Variants in ACAD11 observed in about 807,000 individuals in gnomAD.
ACAD11 encodes the protein acyl-CoA dehydrogenase family member 11.
Under a neutral mutation model 102.2 loss-of-function variants are expected in ACAD11, and 83 were observed. The observed-to-expected ratio is 0.81, with a 90% CI of 0.68 to 0.97. The LOEUF (loss-of-function observed/expected upper bound fraction) is 0.97, where lower values mean the gene tolerates loss of function less well. Ranked by LOEUF, ACAD11 falls within the 50% of genes least tolerant of loss-of-function variation. The probability of loss-of-function intolerance (pLI) is 0.00; values close to 1 mark genes in which losing one functional copy is unlikely to be tolerated. For missense variants in ACAD11, 901 were observed against 951.7 expected (o/e 0.95, Z 0.70); for synonymous variants, 324 against 319.8 (o/e 1.01, Z -0.14).
At chr3:132,630,590 T>C in intron 6 of ACAD11, 32 bp from the exon 7 acceptor site, 1 of 1,571,224 alleles carries the variant, frequency 6.4e-7, no homozygotes. Flanking sequence ...TAAACTTTAA[T>C]TAAAATGTCG....
At chr3:132,576,323 C>T (rs1370496285) in intron 16 of ACAD11, among the ~76,000 whole-genome samples, 1 of 152,122 alleles carries the variant, frequency 6.6e-6, no homozygotes, top group Admixed American at 6.6e-5. Context: ...ATCATTATAA[C>T]CTCAGGGCCT....
At chr3:132,562,982 T>C (rs1452326755) in intron 17 of ACAD11, among the ~76,000 whole-genome samples, 1 of 152,222 alleles carries the variant, frequency 6.6e-6, no homozygotes, top group African/African-American at 2.4e-5. Context: ...CTATGATCCA[T>C]TTAGAGTTAA....
chr3:132,643,693 AAAG>A (rs1414676331), intron 2 of ACAD11, among the ~76,000 whole-genome samples: 1 of 152,186 alleles, frequency 6.6e-6, no homozygotes, highest in African/African-American at 2.4e-5. Flanking sequence ...AGGGCTGTGG[AAAG>A]AAGTGTTAAC....
chr3:132,587,230 CT>C (rs1481757321), intron 13 of ACAD11, among the ~76,000 whole-genome samples: 1 of 152,118 alleles, frequency 6.6e-6, no homozygotes, highest in Non-Finnish European at 1.5e-5. Context: ...TTAGTTTATT[CT>C]TTTTTCAAAT....
chr3:132,639,490 A>G lies in ACAD11; in HGVS notation c.702+2T>C. On this transcript the variant is annotated splice_donor_variant, in intron 5 of 19. Coordinates refer to ENST00000264990, the MANE Select transcript of ACAD11 (RefSeq NM_032169.5). LOFTEE classifies it high-confidence loss of function. ...ATTAATTGTAAACATAGCTAACTGT[A>G]CCTCTTTAGGGTGGAAAACTATGTT... The G allele has an allele frequency of 6.2e-7, 1 of 1,611,480 alleles. No homozygotes were observed.
intron 1 of ACAD11, among the ~76,000 whole-genome samples, chr3:132,654,167 G>A (rs1419620282): frequency 6.6e-6 from 1 of 152,008 alleles, no homozygotes; most frequent in Non-Finnish European, 1.5e-5. Context: ...TCCTTTCCTA[G>A]CCCACATTTA....
At chr3:132,586,247 A>G (rs1937817234) in intron 13 of ACAD11, among the ~76,000 whole-genome samples, 1 of 152,154 alleles carries the variant, frequency 6.6e-6, no homozygotes, top group Non-Finnish European at 1.5e-5. Flanking sequence ...AAGGACAAAA[A>G]AGCAAACACC....
At chr3:132,639,418 T>C in intron 5 of ACAD11, 74 bp downstream of exon 5, 2 of 1,431,764 alleles carry the variant, frequency 1.4e-6, no homozygotes, top group Non-Finnish European at 1.9e-6. Flanking sequence ...CTCAGTGCTC[T>C]GGGGGGAGCA....
chr3:132,657,757 ACTGT>A (rs1937884670), intron 1 of ACAD11, among the ~76,000 whole-genome samples: 1 of 151,956 alleles, frequency 6.6e-6, no homozygotes, highest in African/African-American at 2.4e-5. Context: ...ATAGTCTTTT[ACTGT>A]CTATGTAGAT....
intron 13 of ACAD11, among the ~76,000 whole-genome samples, chr3:132,587,606 C>T (rs1195363808): frequency 2.6e-5 from 4 of 152,148 alleles, no homozygotes; most frequent in Non-Finnish European, 5.9e-5. Flanking sequence ...TGGCCTTCCC[C>T]CTTGAAAATG....
In ACAD11 at chr3:132,618,710, G is replaced by A. The variant is rs142318482; in HGVS notation, c.1338C>T (p.His446=). The A allele has an allele frequency of 9.2e-4, 1,475 of 1,604,400 alleles. 4 individuals carry two copies. Among genetic ancestry groups the A allele is most frequent in the Middle Eastern group, 6.9e-3 (42 of 6,044 alleles). The change falls in exon 11 of 20, where the codon CAC becomes CAT. Residue 446 remains histidine (H), a synonymous_variant. Coordinates refer to ENST00000264990, the MANE Select transcript of ACAD11 (RefSeq NM_032169.5). ...LFLPAVSGLS[H]VDYALIAEET... is the part of the protein sequence containing the mutation. The stretch of plus-strand genomic sequence containing the variant: ...CTTCAGCAATCAAGGCATAGTCCAC[G>A]TGGCTGAGTCCGCTGACAGCTGGCA...
At chr3:132,642,989 T>C (rs914574121) in intron 2 of ACAD11, among the ~76,000 whole-genome samples, 187 bp from the exon 3 acceptor site, 17 of 152,362 alleles carry the variant, frequency 1.1e-4, no homozygotes, top group African/African-American at 3.8e-4. Context: ...GATTATAAAT[T>C]AGACCACTAC....
intron 11 of ACAD11, among the ~76,000 whole-genome samples, chr3:132,612,280 A>G (rs1375979328): frequency 6.6e-6 from 1 of 152,026 alleles, no homozygotes; most frequent in Admixed American, 6.6e-5. Context: ...CCCTAGAAGA[A>G]AACCTAGGCA....
chr3:132,638,225 A>G (rs1383992518), intron 5 of ACAD11, among the ~76,000 whole-genome samples: 1 of 151,718 alleles, frequency 6.6e-6, no homozygotes, highest in Non-Finnish European at 1.5e-5. Flanking sequence ...TTTTTTTTTC[A>G]ATTTTAAAAG....
chr3:132,612,584 T>G (rs967755579), intron 11 of ACAD11, among the ~76,000 whole-genome samples: 8 of 152,034 alleles, frequency 5.3e-5, no homozygotes, highest in African/African-American at 1.9e-4. Flanking sequence ...CAGACACTTC[T>G]CAAAAGAAGA....
rs200490230 is a variant in ACAD11 at position 132,640,118 on chromosome 3, C to CTT, written c.538-464_538-463dup. 4.8e-5 allele frequency among the ~76,000 whole-genome samples: 7 copies of CTT among 145,254 alleles called. No homozygotes were observed. The East Asian group carries it at 6.0e-4, about 12-fold the overall frequency. On this transcript the variant is annotated intron_variant, in intron 4 of 19. Coordinates refer to ENST00000264990, the MANE Select transcript of ACAD11 (RefSeq NM_032169.5). ...ACTAGAAGAAAAAAGAAGACATTTA[C>CTT]TTTTTTTTTTTTTGAGACAGAGTCT... is the stretch of plus-strand genomic sequence containing the variant.
chr3:132,629,000 C>T (rs1249298681), intron 7 of ACAD11, among the ~76,000 whole-genome samples: 1 of 152,170 alleles, frequency 6.6e-6, no homozygotes, highest in Non-Finnish European at 1.5e-5. Context: ...AAACAAACAT[C>T]ACTGTGTCTT....
chr3:132,617,196 A>G (rs1939441049), intron 11 of ACAD11, among the ~76,000 whole-genome samples: 1 of 152,184 alleles, frequency 6.6e-6, no homozygotes, highest in Non-Finnish European at 1.5e-5. Flanking sequence ...TGGTAGCATT[A>G]GGATAATCAG....
At chr3:132,622,450 A>C (rs1022428126) in intron 9 of ACAD11, among the ~76,000 whole-genome samples, 1 of 152,184 alleles carries the variant, frequency 6.6e-6, no homozygotes, top group Admixed American at 6.5e-5. Flanking sequence ...GATAAGAAAT[A>C]TATTATGCAG....
Sources: gnomAD v4.1 joint callset for allele counts (sites outside exome capture counted in the v4.1 genomes callset) on GRCh38, gnomAD v4.1.1 for gene constraint, MANE v1.5 for transcripts, NCBI Gene and HGNC (gene_info 2026-07-23, HGNC 2026-07-21) for gene names.